Variants in FBXO24 observed in about 807,000 individuals in gnomAD.
FBXO24 encodes the protein F-box protein 24.
A neutral mutation model predicts 63.5 loss-of-function variants in FBXO24; 30 were observed. The observed-to-expected ratio is 0.47, with a 90% CI of 0.35 to 0.64. The LOEUF is 0.64. FBXO24 is among the 30% of genes least tolerant of loss of function. FBXO24 has a pLI of 0.00. For missense variants in FBXO24, 624 were observed against 763.4 expected, an observed-to-expected ratio of 0.82 and a Z score of 2.15; for synonymous variants, 300 against 305.0, an observed-to-expected ratio of 0.98 and a Z score of 0.17.
At position 100,594,477 on chromosome 7, in the gene FBXO24, C is replaced by T; in HGVS notation, c.888C>T (p.His296=). The T allele has an allele frequency of 6.2e-7, 1 of 1,613,706 alleles. No individual in the cohort carries two copies. The highest frequency in any genetic ancestry group is 1.1e-5 in the South Asian group (1 of 91,010). ...TVQLALRKVS[H]YLPHLRVACM... is the part of the protein sequence containing the mutation. Reference sequence around the variant, plus strand: ...AGCTGGCCCTGAGGAAGGTGTCCCACTACCTGCCTCACCTGCGCGTGGCCT... The same window carrying T: ...AGCTGGCCCTGAGGAAGGTGTCCCATTACCTGCCTCACCTGCGCGTGGCCT... Residue 296 remains histidine, a synonymous_variant, in exon 6 of 10, where the codon CAC becomes CAT. Transcript: ENST00000241071. This position sits in a 1 kb window ranked among gnomAD's most constrained non-coding sequence, Gnocchi z 4.2.
intron 1 of FBXO24, chr7:100,589,606 G>A (rs973984533): frequency 2.8e-6 from 4 of 1,450,368 alleles, no homozygotes; most frequent in Non-Finnish European, 1.8e-6. Context: ...GGAGGCAGAG[G>A]GGCCTCAGAG....
At chr7:100,599,037 A>T (rs748832752) in intron 8 of FBXO24, among the ~76,000 whole-genome samples, 1 of 151,790 alleles carries the variant, frequency 6.6e-6, no homozygotes, top group African/African-American at 2.4e-5. Flanking sequence ...CGAGATCACC[A>T]TGAGCAACAT....
intron 3 of FBXO24, among the ~76,000 whole-genome samples, chr7:100,591,440 G>A (rs1802023141): frequency 6.6e-6 from 1 of 152,194 alleles, no homozygotes; most frequent in Non-Finnish European, 1.5e-5. Context: ...TCACTAAGAA[G>A]CAAATGTTTG....
At chr7:100,595,308 T>C in intron 7 of FBXO24, 85 bp downstream of exon 7, 1 of 1,596,192 alleles carries the variant, frequency 6.3e-7, no homozygotes, top group East Asian at 2.2e-5. Flanking sequence ...ATCAGATTAT[T>C]GATCCAGAGG....
At chr7:100,595,440 T>C (rs1802259445) in intron 7 of FBXO24, 135 bp from the exon 8 acceptor site, 4 of 1,278,286 alleles carry the variant, frequency 3.1e-6, no homozygotes, top group Admixed American at 5.4e-5. Flanking sequence ...GGCAACATAG[T>C]GAGATCCCAT....
At position 100,600,433 on chromosome 7, in the gene FBXO24, G is replaced by T; in HGVS notation, c.1378-101G>T. ...GGGACTTAGCCGGCTCAGGGCTGGTGTGAGAGGGAAGAATGCAATAGGCAG... is the reference window on the plus strand; with the variant it reads ...GGGACTTAGCCGGCTCAGGGCTGGTTTGAGAGGGAAGAATGCAATAGGCAG... On this transcript the variant is annotated intron_variant, in intron 9 of 9. Coordinates refer to ENST00000241071, the MANE Select transcript of FBXO24 (RefSeq NM_033506.3). This position sits in a 1 kb window ranked among gnomAD's most constrained non-coding sequence, Gnocchi z 6.3. The T allele has an allele frequency of 6.6e-7, 1 of 1,513,032 alleles. No homozygotes were observed. The highest frequency in any genetic ancestry group is 1.3e-5 in the South Asian group (1 of 74,498). The allele number at this position is 1,513,032 out of a possible 1,614,324, so 93.7% of individuals were successfully genotyped here.
At position 100,586,681 on chromosome 7, in the gene FBXO24, A is replaced by T. The variant is rs1562812975; in HGVS notation, c.39+17A>T. The T allele has an allele frequency of 6.2e-7, 1 of 1,614,052 alleles. No homozygotes were observed. Among genetic ancestry groups the T allele is most frequent in the Admixed American group, 1.7e-5 (1 of 60,024 alleles). The stretch of plus-strand genomic sequence containing the variant: ...AGGAGGCGGGTGAGCTAGAACTTTA[A>T]GACTGAGGTTAAGAATGAACGCGGA... On this transcript the variant is annotated intron_variant, in intron 1 of 9. Coordinates refer to ENST00000241071, the MANE Select transcript of FBXO24 (RefSeq NM_033506.3).
chr7:100,591,853 A>T lies in FBXO24; in HGVS notation c.509A>T (p.Gln170Leu), dbSNP rs150586222. 7.4e-6 allele frequency: 12 copies of T among 1,614,112 alleles called. No individual in the cohort carries two copies. In the African/African-American group the frequency reaches 1.6e-4, roughly 22 times the overall value. Residue 170 changes from glutamine to leucine, a missense_variant, in exon 4 of 10, where the codon CAG becomes CTG. Physicochemically the swap from Gln to Leu is moderately radical, Grantham distance 113 (BLOSUM62 -2). This residue lies in a region of FBXO24 where 391 missense variants were observed against 469.1 expected (regional missense o/e 0.83). Transcript: ENST00000241071. ...CTGGTCTCCACCCTCGGCCAGATGC[A>T]GTGGAAGCGGGCCTGTCGCTATGTT... ...NALVSTLGQM[Q>L]WKRACRYVVL...
Position 100,595,618 on chromosome 7 carries a change from A to T in FBXO24, c.1118A>T (p.Asp373Val). 6.2e-7 allele frequency: 1 copy of T among 1,613,330 alleles called. No homozygotes were observed. The highest frequency in any genetic ancestry group is 8.5e-7 in the Non-Finnish European group (1 of 1,179,478). The change falls in exon 8 of 10, where the codon GAT becomes GTT. Residue 373 changes from aspartate to valine, a missense_variant. Asp to Val is a radical substitution (Grantham distance 152, BLOSUM62 -3). Coordinates refer to ENST00000241071, the MANE Select transcript of FBXO24 (RefSeq NM_033506.3). ...ALGYNHLGLVDEFGRIFMQGN... is the reference protein window; with the variant it reads ...ALGYNHLGLVVEFGRIFMQGN... Reference sequence around the variant, plus strand: ...GGCTACAACCACCTTGGCCTGGTGGATGAATTTGGCCGAATCTTCATGCAA... The same window carrying T: ...GGCTACAACCACCTTGGCCTGGTGGTTGAATTTGGCCGAATCTTCATGCAA...
At chr7:100,587,599 G>A (rs578134079) in intron 1 of FBXO24, among the ~76,000 whole-genome samples, 1 of 139,738 alleles carries the variant, frequency 7.2e-6, no homozygotes, top group South Asian at 2.3e-4. Flanking sequence ...CACCGCGCCC[G>A]GCCTTTTTTT....
At chr7:100,588,290 G>T (rs1251678131) in intron 1 of FBXO24, among the ~76,000 whole-genome samples, 2 of 152,178 alleles carry the variant, frequency 1.3e-5, no homozygotes, top group East Asian at 1.9e-4. Flanking sequence ...TGTCTACTTG[G>T]AGATCTTCCT....
chr7:100,595,359 G>T (rs2131272014), intron 7 of FBXO24, 136 bp downstream of exon 7: 2 of 1,494,438 alleles, frequency 1.3e-6, no homozygotes, highest in South Asian at 2.5e-5. Flanking sequence ...AAAGAGATCA[G>T]CTGGGGGCTC....
In FBXO24 at chr7:100,586,733, C is replaced by A. The variant is rs761538961; in HGVS notation, c.39+69C>A. ...CCCCTGGCCGGCCGGGAACGCAGTT[C>A]GCCGCTGCAGTGGCGAGTGCGAGCT... is the stretch of plus-strand genomic sequence containing the variant. On this transcript the variant is annotated intron_variant, in intron 1 of 9. Coordinates refer to ENST00000241071, the MANE Select transcript of FBXO24 (RefSeq NM_033506.3). 27 of 1,572,842 alleles carry A rather than the reference C, an allele frequency of 1.7e-5. No homozygotes were observed. The South Asian group carries it at 2.8e-4, about 16-fold the overall frequency.
intron 5 of FBXO24, among the ~76,000 whole-genome samples, chr7:100,593,545 T>C (rs1282406279): frequency 6.6e-6 from 1 of 151,586 alleles, no homozygotes; most frequent in Non-Finnish European, 1.5e-5. Context: ...GGAGAATCCC[T>C]TGAACCCAGG....
intron 7 of FBXO24, 103 bp downstream of exon 7, chr7:100,595,326 G>A (rs1044346026): frequency 5.7e-6 from 9 of 1,568,320 alleles, no homozygotes; most frequent in Non-Finnish European, 7.8e-6. Flanking sequence ...AGGGGCAGGG[G>A]ATCCCCAGGG....
intron 2 of FBXO24, 31 bp from the exon 3 acceptor site, chr7:100,590,143 G>C (rs1351551022): frequency 8.1e-6 from 13 of 1,609,130 alleles, no homozygotes; most frequent in Non-Finnish European, 1.1e-5. Flanking sequence ...GGCCACCAAA[G>C]ACTCCCCGCT....
At chr7:100,596,043 C>T (rs1408534981) in intron 8 of FBXO24, among the ~76,000 whole-genome samples, 2 of 151,836 alleles carry the variant, frequency 1.3e-5, no homozygotes, top group Admixed American at 6.6e-5. Flanking sequence ...TTTGGGAGGC[C>T]GAGGTGGACA....
At chr7:100,592,334 C>G in intron 4 of FBXO24, 1 of 247,378 alleles carries the variant, frequency 4.0e-6, no homozygotes, top group Non-Finnish European at 8.0e-6. Context: ...TTCCACATGA[C>G]TGGGGAGGCC....
chr7:100,589,806 G>A (rs1209893274), intron 1 of FBXO24, 171 bp from the exon 2 acceptor site: 2 of 1,515,548 alleles, frequency 1.3e-6, no homozygotes, highest in Non-Finnish European at 1.8e-6. Flanking sequence ...GAGGGGGATT[G>A]GCCGCAGGAG....
Sources: gnomAD v4.1 joint callset for allele counts (sites outside exome capture counted in the v4.1 genomes callset) on GRCh38, gnomAD v4.1.1 for gene constraint, gnomAD v4.1.1 regional missense constraint, Gnocchi (gnomAD v3.1) non-coding constraint, MANE v1.5 for transcripts, NCBI Gene and HGNC (gene_info 2026-07-23, HGNC 2026-07-21) for gene names.